Variants in NTM observed in about 807,000 individuals in gnomAD.
NTM encodes IgLON family member 2.
In NTM, 13 loss-of-function variants were observed where a neutral mutation model predicts 42.1. The observed-to-expected ratio is 0.31, with a 90% CI of 0.20 to 0.49. The LOEUF is 0.49. Among genes scored for constraint, NTM ranks in the 20% least tolerant of loss-of-function variants. NTM has a pLI of 0.99. For synonymous variants in NTM, 187 were observed against 179.2 expected (o/e 1.04, Z -0.35); for missense variants, 373 against 452.8 (o/e 0.82, Z 1.60).
intron 2 of NTM, among the ~76,000 whole-genome samples, chr11:132,114,013 A>G (rs1464935601): frequency 6.6e-6 from 1 of 152,120 alleles, no homozygotes; most frequent in African/African-American, 2.4e-5. Flanking sequence ...TTGTGGAAGG[A>G]TGTTTTTTCA....
intron 1 of NTM, among the ~76,000 whole-genome samples, chr11:131,464,857 C>T (rs1951742574): frequency 6.6e-6 from 1 of 152,186 alleles, no homozygotes; most frequent in Non-Finnish European, 1.5e-5. Flanking sequence ...CCTAAAATCC[C>T]CAAACCTCTG....
intron 1 of NTM, among the ~76,000 whole-genome samples, chr11:131,439,538 G>T (rs577526217): frequency 3.9e-5 from 6 of 152,328 alleles, no homozygotes; most frequent in Non-Finnish European, 4.4e-5. Context: ...CCCCTGCCAG[G>T]CTGCTGCCTT....
intron 2 of NTM, among the ~76,000 whole-genome samples, chr11:132,101,653 CCTT>C (rs947252702): frequency 5.9e-5 from 9 of 151,748 alleles, no homozygotes; most frequent in Admixed American, 2.0e-4. Context: ...AAACCTAAGA[CCTT>C]CTTATTTCTC....
In NTM at chr11:132,315,117, CTG is replaced by C. The variant is rs2095393835; in HGVS notation, c.934+417_934+418del. On this transcript the variant is annotated intron_variant, in intron 7 of 8. Coordinates refer to ENST00000683400, the MANE Select transcript of NTM (RefSeq NM_001352005.2). Reference sequence around the variant, plus strand: ...TCAGTGATGATGGCTCCTAAGCTGACTGTGGGAATCATAATTGGGTAAAATAG... The same window carrying C: ...TCAGTGATGATGGCTCCTAAGCTGACTGGGAATCATAATTGGGTAAAATAG... 6 of 983,542 alleles carry C rather than the reference CTG, an allele frequency of 6.1e-6. No homozygotes were observed. The African/African-American group carries it at 8.7e-5, about 14-fold the overall frequency. 60.9% of individuals were successfully genotyped at this position (983,542 alleles called of 1,614,324 possible). A position where few individuals can be genotyped will look rare whatever the true frequency, so the allele number is the denominator to read the frequency against.
intron 2 of NTM, among the ~76,000 whole-genome samples, chr11:131,995,188 C>G (rs557906443): frequency 2.0e-5 from 3 of 152,278 alleles, no homozygotes. Flanking sequence ...ATGATCTAAG[C>G]ACTTAGCAGG....
intron 1 of NTM, among the ~76,000 whole-genome samples, chr11:131,381,979 G>A (rs1942737678): frequency 6.6e-6 from 1 of 152,206 alleles, no homozygotes; most frequent in Non-Finnish European, 1.5e-5. Flanking sequence ...AACTATGTGA[G>A]AAAGCACTTT....
intron 3 of NTM, among the ~76,000 whole-genome samples, chr11:132,177,403 C>T (rs975942414): frequency 2.9e-4 from 44 of 152,290 alleles, no homozygotes; most frequent in African/African-American, 9.9e-4. Flanking sequence ...GATCCAATAG[C>T]TTTAACATTC....
chr11:131,435,998 G>A (rs996445607), intron 1 of NTM, among the ~76,000 whole-genome samples: 1 of 152,082 alleles, frequency 6.6e-6, no homozygotes, highest in Admixed American at 6.6e-5. Flanking sequence ...TAGCATGAAG[G>A]GCTGTTCAAT....
At chr11:131,375,770 C>T (rs1941885730) in intron 1 of NTM, among the ~76,000 whole-genome samples, 2 of 151,180 alleles carry the variant, frequency 1.3e-5, no homozygotes, top group African/African-American at 4.9e-5. Context: ...GGTCGGTAAC[C>T]TCTGAGAACT....
chr11:132,233,536 TAAAG>T (rs1425205057), intron 4 of NTM, among the ~76,000 whole-genome samples: 5 of 152,230 alleles, frequency 3.3e-5, no homozygotes, highest in African/African-American at 7.2e-5. Flanking sequence ...TTGAAAAAAT[TAAAG>T]AAGAATCATA....
chr11:131,903,124 G>A (rs1014481752), intron 1 of NTM, among the ~76,000 whole-genome samples: 1 of 83,320 alleles, frequency 1.2e-5, no homozygotes, highest in East Asian at 4.4e-4. Flanking sequence ...ATCCCTTACT[G>A]AAGAGAAGAA....
intron 3 of NTM, among the ~76,000 whole-genome samples, chr11:132,202,619 T>C (rs2081329821): frequency 6.6e-6 from 1 of 152,212 alleles, no homozygotes; most frequent in African/African-American, 2.4e-5. Flanking sequence ...AGGGCACTTA[T>C]GATTACAGGT....
At chr11:132,127,740 C>T in intron 2 of NTM, among the ~76,000 whole-genome samples, 1 of 152,228 alleles carries the variant, frequency 6.6e-6, no homozygotes, top group East Asian at 1.9e-4. Context: ...TTATTGCCAT[C>T]CTGGGCTTTA....
chr11:131,508,402 T>A (rs1670987710), intron 1 of NTM, among the ~76,000 whole-genome samples: 2 of 150,430 alleles, frequency 1.3e-5, no homozygotes, highest in Admixed American at 1.3e-4. Context: ...CTAAAGAGGA[T>A]GTGGAGAAAT....
At chr11:131,837,578 G>C (rs1252546328) in intron 1 of NTM, among the ~76,000 whole-genome samples, 1 of 152,158 alleles carries the variant, frequency 6.6e-6, no homozygotes, top group Non-Finnish European at 1.5e-5. Context: ...TCACCCTTAA[G>C]TAATAATACT....
intron 2 of NTM, among the ~76,000 whole-genome samples, chr11:132,092,397 G>A (rs2136424797): frequency 6.6e-6 from 1 of 152,262 alleles, no homozygotes; most frequent in African/African-American, 2.4e-5. Context: ...CTCTGCTCTT[G>A]TTCTTTCCAA....
intron 1 of NTM, among the ~76,000 whole-genome samples, chr11:131,789,501 A>G (rs1480155939): frequency 8.5e-4 from 7 of 8,224 alleles, no homozygotes; most frequent in Non-Finnish European, 1.1e-3. Flanking sequence ...AGGAAAGAAG[A>G]AGAAGAAGAA....
chr11:131,571,221 TA>T, intron 1 of NTM, among the ~76,000 whole-genome samples: 1 of 152,348 alleles, frequency 6.6e-6, no homozygotes, highest in South Asian at 2.1e-4. Flanking sequence ...TGCTTTTTTA[TA>T]AATGCTGGAG....
chr11:131,697,348 G>A (rs1001643479), intron 1 of NTM, among the ~76,000 whole-genome samples: 11 of 152,190 alleles, frequency 7.2e-5, no homozygotes, highest in Admixed American at 1.3e-4. Context: ...TTGATCTACC[G>A]TTGCAGCTTC....
Sources: gnomAD v4.1 joint callset for allele counts (sites outside exome capture counted in the v4.1 genomes callset) on GRCh38, gnomAD v4.1.1 for gene constraint, MANE v1.5 for transcripts, NCBI Gene and HGNC (gene_info 2026-07-23, HGNC 2026-07-21) for gene names.